C12orf42: variants seen among roughly 807,000 people sequenced by gnomAD.
C12orf42 encodes the protein chromosome 12 open reading frame 42.
Under a neutral mutation model 21.6 loss-of-function variants are expected in C12orf42, and 25 were observed. That is an observed-to-expected ratio of 1.16 (90% CI 0.84 to 1.62). The LOEUF (loss-of-function observed/expected upper bound fraction) is 1.62, where lower values mean the gene tolerates loss of function less well. Ranked by LOEUF, C12orf42 falls within the 40% of genes most tolerant of loss-of-function variation. The pLI is 0.00. For synonymous variants in C12orf42, 174 were observed against 175.0 expected, an observed-to-expected ratio of 0.99 and a Z score of 0.05; for missense variants, 483 against 459.3, an observed-to-expected ratio of 1.05 and a Z score of -0.47.
the C12orf42 span, among the ~76,000 whole-genome samples, chr12:103,230,053 C>G: frequency 1.2e-4 from 18 of 152,302 alleles, no homozygotes; most frequent in African/African-American, 4.1e-4. Flanking sequence ...AAATTATTGG[C>G]TAAGTGATTT....
intron 4 of C12orf42, among the ~76,000 whole-genome samples, chr12:103,333,800 T>C (rs2041453594): frequency 6.6e-6 from 1 of 152,232 alleles, no homozygotes; most frequent in Admixed American, 6.5e-5. Context: ...ACACAAAATG[T>C]GAGTCACTGT....
At chr12:103,530,527 G>C in the C12orf42 span, among the ~76,000 whole-genome samples, 1 of 152,196 alleles carries the variant, frequency 6.6e-6, no homozygotes, top group Non-Finnish European at 1.5e-5. Context: ...TGAGGCATGA[G>C]GGGTGGGTTT....
intron 1 of C12orf42, among the ~76,000 whole-genome samples, chr12:103,492,742 C>T (rs945662385): frequency 6.6e-5 from 10 of 152,122 alleles, no homozygotes; most frequent in Non-Finnish European, 1.2e-4. Flanking sequence ...GGGCATAGGG[C>T]AAGTCAAGTG....
chr12:103,276,003 T>A (rs925088856), intron 5 of C12orf42, among the ~76,000 whole-genome samples: 3 of 152,142 alleles, frequency 2.0e-5, no homozygotes, highest in Non-Finnish European at 2.9e-5. Flanking sequence ...AGCCCAGGAG[T>A]TCAAGGTTAC....
intron 6 of C12orf42, among the ~76,000 whole-genome samples, chr12:103,269,560 A>G (rs1304796994): frequency 1.3e-5 from 2 of 152,314 alleles, no homozygotes; most frequent in East Asian, 1.9e-4. Context: ...ATCAGTGTTT[A>G]ATATTCATCA....
downstream of C12orf42, among the ~76,000 whole-genome samples, chr12:103,234,461 TG>T (rs1305653274): frequency 3.3e-5 from 5 of 152,032 alleles, no homozygotes; most frequent in Admixed American, 3.3e-4. Flanking sequence ...TTATATTCAT[TG>T]AAAAAAAATT....
the C12orf42 span, among the ~76,000 whole-genome samples, chr12:103,201,799 T>C: frequency 6.6e-6 from 1 of 152,202 alleles, no homozygotes; most frequent in Non-Finnish European, 1.5e-5. Context: ...AATGCGTTGA[T>C]GTTGTGAGTT....
At chr12:103,301,605 A>T (rs972020372), downstream of C12orf42, among the ~76,000 whole-genome samples, 1 of 152,314 alleles carries the variant, frequency 6.6e-6, no homozygotes, top group East Asian at 1.9e-4. Context: ...CTGACATTAA[A>T]TCCTTAATAC....
At chr12:103,376,094 G>T (rs150129042) in intron 3 of C12orf42, among the ~76,000 whole-genome samples, 2 of 152,052 alleles carry the variant, frequency 1.3e-5, no homozygotes, top group Non-Finnish European at 2.9e-5. Context: ...GAAAATTTCC[G>T]TCTTACTTAC....
At chr12:103,485,122 G>T (rs1277303088) in intron 1 of C12orf42, among the ~76,000 whole-genome samples, 1 of 152,100 alleles carries the variant, frequency 6.6e-6, no homozygotes. Context: ...GCCCGCCTCG[G>T]CCTCCCAAAG....
chr12:103,524,653 G>T, the C12orf42 span, among the ~76,000 whole-genome samples: 1 of 152,194 alleles, frequency 6.6e-6, no homozygotes, highest in Non-Finnish European at 1.5e-5. Context: ...TAAGTAAACT[G>T]ATCTGTCACA....
the C12orf42 span, among the ~76,000 whole-genome samples, chr12:103,186,173 T>C: frequency 6.6e-6 from 1 of 152,192 alleles, no homozygotes; most frequent in African/African-American, 2.4e-5. Flanking sequence ...GGATATAGAC[T>C]GTGGAACTAG....
At chr12:103,062,431 ATAT>A in the C12orf42 span, among the ~76,000 whole-genome samples, 1 of 151,892 alleles carries the variant, frequency 6.6e-6, no homozygotes, top group Non-Finnish European at 1.5e-5. Flanking sequence ...ATATCAATAA[ATAT>A]TATCTTTTAG....
chr12:103,562,729 A>G, the C12orf42 span, among the ~76,000 whole-genome samples: 2 of 152,178 alleles, frequency 1.3e-5, no homozygotes, highest in Admixed American at 1.3e-4. Flanking sequence ...TGACTCAGCA[A>G]GCCCACATCA....
intron 2 of C12orf42, among the ~76,000 whole-genome samples, chr12:103,455,848 T>A (rs1952254195): frequency 6.6e-6 from 1 of 152,310 alleles, no homozygotes; most frequent in East Asian, 1.9e-4. Flanking sequence ...CTTTTTGCTC[T>A]ACCAAGGATA....
chr12:103,198,671 C>A, the C12orf42 span, among the ~76,000 whole-genome samples: 2 of 152,228 alleles, frequency 1.3e-5, no homozygotes, highest in Non-Finnish European at 2.9e-5. Flanking sequence ...AGCTAGGATT[C>A]CTGAGGTCTG....
chr12:103,207,349 C>T, the C12orf42 span, among the ~76,000 whole-genome samples: 1 of 152,244 alleles, frequency 6.6e-6, no homozygotes, highest in African/African-American at 2.4e-5. Context: ...CCAAGCACCA[C>T]ACAGAAATAT....
At chr12:103,507,234 T>TAA in the C12orf42 span, among the ~76,000 whole-genome samples, 1 of 58,032 alleles carries the variant, frequency 1.7e-5, no homozygotes, top group African/African-American at 9.1e-5. Flanking sequence ...TATAAATATA[T>TAA]ATATATTATA....
intron 2 of C12orf42, among the ~76,000 whole-genome samples, chr12:103,437,258 G>C (rs563288256): frequency 2.0e-5 from 3 of 152,166 alleles, no homozygotes; most frequent in African/African-American, 7.2e-5. Context: ...TCAAAGCAGT[G>C]TGTAGAGGGA....
Sources: allele counts gnomAD v4.1 joint callset (sites outside exome capture counted in the v4.1 genomes callset), GRCh38; gene constraint gnomAD v4.1.1; transcripts MANE v1.5; gene names NCBI Gene and HGNC (gene_info 2026-07-23, HGNC 2026-07-21).